The following PHKB variants were observed in gnomAD, a reference collection of about 807,000 sequenced individuals.
PHKB encodes phosphorylase kinase regulatory subunit beta.
Under a neutral mutation model 152.1 loss-of-function variants are expected in PHKB, and 122 were observed. The ratio of observed to expected loss-of-function variants is 0.80; its 90% CI spans 0.69 to 0.93. The LOEUF is 0.93. Ranked by LOEUF, PHKB falls within the 40% of genes least tolerant of loss-of-function variation. PHKB has a pLI of 0.00. For synonymous variants in PHKB, 436 were observed against 464.9 expected (o/e 0.94, Z 0.80); for missense variants, 1,304 against 1,328.4 (o/e 0.98, Z 0.29).
intron 7 of PHKB, among the ~76,000 whole-genome samples, chr16:47,553,112 A>G (rs1219515227): frequency 6.6e-6 from 1 of 152,056 alleles, no homozygotes; most frequent in Non-Finnish European, 1.5e-5. Flanking sequence ...CTCCTGGATA[A>G]TATCTCGAAG....
At chr16:47,576,448 G>A (rs572211438) in intron 7 of PHKB, among the ~76,000 whole-genome samples, 2 of 151,986 alleles carry the variant, frequency 1.3e-5, no homozygotes, top group Non-Finnish European at 2.9e-5. Flanking sequence ...GCTGAATATT[G>A]TTTGCAAATG....
At chr16:47,549,351 A>G (rs1281113297) in intron 7 of PHKB, among the ~76,000 whole-genome samples, 2 of 152,324 alleles carry the variant, frequency 1.3e-5, no homozygotes, top group Middle Eastern at 3.4e-3. Context: ...CCCCATTGCC[A>G]TATTTTCAGC....
chr16:47,554,417 G>A (rs923181627), intron 7 of PHKB, among the ~76,000 whole-genome samples: 9 of 152,310 alleles, frequency 5.9e-5, no homozygotes, highest in Middle Eastern at 6.8e-3. Flanking sequence ...TGCTGGCAAC[G>A]AGAATTTCAA....
intron 27 of PHKB, 127 bp from the exon 28 acceptor site, chr16:47,693,251 A>G: frequency 1.2e-6 from 1 of 851,150 alleles, no homozygotes; most frequent in Non-Finnish European, 2.0e-6. Context: ...ACACGGAGAT[A>G]TGCATCATTG....
chr16:47,511,759 A>G lies in PHKB; in HGVS notation c.500A>G (p.Tyr167Cys), dbSNP rs151155518. Residue 167 changes from tyrosine (Y) to cysteine (C), a missense_variant, in exon 5 of 31, where the codon TAT becomes TGT. Tyr to Cys is a radical substitution (Grantham distance 194). Transcript: ENST00000323584. ...TGDELLSYEE[Y>C]GHLQINAVSL... is the part of the protein sequence containing the mutation. ...GATGAGTTGCTTTCCTATGAGGAAT[A>G]TGGTCATCTTCAGGTAAAAAGAGAT... 4.5e-3 allele frequency: 7,043 copies of G among 1,567,224 alleles called. 18 individuals carry two copies. Among genetic ancestry groups the G allele is most frequent in the Non-Finnish European group, 5.1e-3 (5,819 of 1,137,268 alleles).
chr16:47,607,351 C>T (rs946577438), intron 13 of PHKB, among the ~76,000 whole-genome samples: 1 of 152,132 alleles, frequency 6.6e-6, no homozygotes, highest in African/African-American at 2.4e-5. Context: ...CACCCTCTTC[C>T]CCCAGCACTA....
At chr16:47,528,639 G>C (rs368346933) in intron 6 of PHKB, among the ~76,000 whole-genome samples, 2 of 151,100 alleles carry the variant, frequency 1.3e-5, no homozygotes, top group South Asian at 4.2e-4. Flanking sequence ...AGTTTCACTT[G>C]GCTACAAATA....
chr16:47,486,434 G>T (rs1251690969), intron 1 of PHKB, among the ~76,000 whole-genome samples: 3 of 152,170 alleles, frequency 2.0e-5, no homozygotes, highest in Non-Finnish European at 2.9e-5. Flanking sequence ...TTTCAAAACT[G>T]CTTGAAAATA....
intron 14 of PHKB, among the ~76,000 whole-genome samples, chr16:47,618,240 T>A (rs183471403): frequency 6.6e-6 from 1 of 152,254 alleles, no homozygotes; most frequent in Non-Finnish European, 1.5e-5. Flanking sequence ...TTAAATACCT[T>A]GTTGTCTCAT....
At chr16:47,678,283 C>A (rs1260126653) in intron 26 of PHKB, among the ~76,000 whole-genome samples, 1 of 151,960 alleles carries the variant, frequency 6.6e-6, no homozygotes, top group Non-Finnish European at 1.5e-5. Flanking sequence ...GGGTATATAC[C>A]CAGTAATGGG....
intron 1 of PHKB, among the ~76,000 whole-genome samples, chr16:47,479,200 C>G (rs1030551305): frequency 6.6e-6 from 1 of 152,088 alleles, no homozygotes; most frequent in Non-Finnish European, 1.5e-5. Flanking sequence ...AGGTGGAGAA[C>G]TGATTGTGAT....
intron 26 of PHKB, among the ~76,000 whole-genome samples, chr16:47,680,211 G>A (rs899140712): frequency 1.3e-5 from 2 of 152,170 alleles, no homozygotes; most frequent in Admixed American, 1.3e-4. Context: ...GTTCATCAAG[G>A]ATATTGGTCT....
intron 14 of PHKB, among the ~76,000 whole-genome samples, chr16:47,627,896 G>A (rs1305021367): frequency 3.3e-5 from 5 of 152,190 alleles, no homozygotes; most frequent in African/African-American, 4.8e-5. Context: ...AATACTGGGG[G>A]TGCAGTGTTT....
chr16:47,487,709 C>A (rs1482379190), intron 1 of PHKB, among the ~76,000 whole-genome samples: 1 of 152,178 alleles, frequency 6.6e-6, no homozygotes, highest in Non-Finnish European at 1.5e-5. Flanking sequence ...AGTTATCTGT[C>A]TTTGCATTAA....
chr16:47,649,734 T>G (rs950047648), intron 18 of PHKB, among the ~76,000 whole-genome samples: 2 of 152,202 alleles, frequency 1.3e-5, no homozygotes, highest in Admixed American at 6.5e-5. Flanking sequence ...GGCAAGTTAC[T>G]TAACTCCTCT....
chr16:47,588,950 G>A lies in PHKB; in HGVS notation c.916G>A (p.Ala306Thr). 6.2e-7 allele frequency: 1 copy of A among 1,613,902 alleles called. No individual in the cohort carries two copies. Among genetic ancestry groups the A allele is most frequent in the Non-Finnish European group, 8.5e-7 (1 of 1,179,894 alleles). ...LLPCISYPAF[A>T]LDDEVLFSQT... ...CCCCTGCATCAGTTATCCTGCATTT[G>A]CCCTGGATGATGAAGTTCTTTTTAG... The change falls in exon 10 of 31, where the codon GCC becomes ACC. Residue 306 changes from alanine to threonine, a missense_variant. Coordinates refer to ENST00000323584, the MANE Select transcript of PHKB (RefSeq NM_000293.3).
At chr16:47,540,364 A>T (rs1187406113) in intron 6 of PHKB, among the ~76,000 whole-genome samples, 1 of 151,716 alleles carries the variant, frequency 6.6e-6, no homozygotes, top group Non-Finnish European at 1.5e-5. Flanking sequence ...ATAGACCCTT[A>T]TCAGTAGTTC....
chr16:47,506,053 G>GA (rs922965013), intron 4 of PHKB, among the ~76,000 whole-genome samples: 1 of 143,380 alleles, frequency 7.0e-6, no homozygotes, highest in African/African-American at 2.6e-5. Context: ...AAAGAAAAAA[G>GA]AAAAAAGAGA....
intron 7 of PHKB, among the ~76,000 whole-genome samples, chr16:47,561,061 C>T (rs1050141959): frequency 1.3e-5 from 2 of 152,144 alleles, no homozygotes; most frequent in African/African-American, 2.4e-5. Context: ...GCCACATGTT[C>T]ATTCTTTTGC....
Sources: gnomAD v4.1 joint callset for allele counts (sites outside exome capture counted in the v4.1 genomes callset) on GRCh38, gnomAD v4.1.1 for gene constraint, MANE v1.5 for transcripts, NCBI Gene and HGNC (gene_info 2026-07-23, HGNC 2026-07-21) for gene names.